The following ASAP3 variants were observed in gnomAD, a reference collection of about 807,000 sequenced individuals.
ASAP3 encodes the protein arf-GAP with SH3 domain, ANK repeat and PH domain-containing protein 3.
Under a neutral mutation model 118.2 loss-of-function variants are expected in ASAP3, and 85 were observed. The observed-to-expected ratio is 0.72, with a 90% CI of 0.60 to 0.86. The LOEUF is 0.86. Among genes scored for constraint, ASAP3 ranks in the 40% least tolerant of loss-of-function variants. ASAP3 has a pLI of 0.00. For synonymous variants in ASAP3, 432 were observed against 477.4 expected (o/e 0.90, Z 1.24); for missense variants, 1,026 against 1,175.0 (o/e 0.87, Z 1.85).
chr1:23,465,517 G>T (rs977672908), intron 1 of ASAP3, among the ~76,000 whole-genome samples: 63 of 147,654 alleles, frequency 4.3e-4, no homozygotes, highest in Middle Eastern at 3.4e-3. Flanking sequence ...TTTTTTTTTG[G>T]GGGGGGGATA....
chr1:23,431,732 G>A lies in ASAP3; in HGVS notation c.2510C>T (p.Thr837Ile), dbSNP rs758996848. Residue 837 changes from threonine to isoleucine, a missense_variant, in exon 23 of 25, where the codon ACC (threonine) becomes ATC (isoleucine). Thr to Ile is a moderately conservative substitution (Grantham distance 89). Coordinates refer to ENST00000336689, the MANE Select transcript of ASAP3 (RefSeq NM_017707.4). Reference protein sequence around the residue: ...GTSRPSLTSGTTPSEMYLPVR... With the variant: ...GTSRPSLTSGITPSEMYLPVR... ...GGGGAGGTACATCTCCGAAGGGGTG[G>A]TCCCGGATGTCAGGCTGGGTCTGGA... The A allele has an allele frequency of 2.5e-5, 38 of 1,521,832 alleles. No individual in the cohort carries two copies. Among genetic ancestry groups the A allele is most frequent in the Admixed American group, 1.6e-4 (7 of 43,700 alleles). The allele number at this position is 1,521,832 out of a possible 1,614,324, so 94.3% of individuals were successfully genotyped here.
rs758067842 is a variant in ASAP3 at position 23,431,067 on chromosome 1, C to G, written c.2605G>C (p.Ala869Pro). The G allele has an allele frequency of 1.8e-5, 29 of 1,589,602 alleles. No homozygotes were observed. Among genetic ancestry groups the G allele is most frequent in the Non-Finnish European group, 2.0e-5 (23 of 1,168,994 alleles). ...GARSPEDGPSARQPLPRRNVP... is the reference protein window; with the variant it reads ...GARSPEDGPSPRQPLPRRNVP... The stretch of plus-strand genomic sequence containing the variant: ...TTCCTTCTGGGCAGAGGCTGCCTGG[C>G]TGAGGGACCATCTTCAGGGCTCCGC... The change falls in exon 24 of 25, where the codon GCC becomes CCC. Residue 869 changes from alanine to proline, a missense_variant. By Grantham distance (27) the Ala-to-Pro change is conservative (BLOSUM62 -1). Transcript: ENST00000336689.
chr1:23,469,345 A>C (rs1641889809), intron 1 of ASAP3, among the ~76,000 whole-genome samples: 1 of 152,138 alleles, frequency 6.6e-6, no homozygotes, highest in South Asian at 2.1e-4. Context: ...AAATAAACTC[A>C]AACCCAGGCA....
In ASAP3 at chr1:23,456,119, T is replaced by C; in HGVS notation, c.202+3A>G. ...AGGCGGGGCACCCAGGAGGCTCACTTACCAAGGCCGGAGCTATGGATTGCC... is the reference window on the plus strand; with the variant it reads ...AGGCGGGGCACCCAGGAGGCTCACTCACCAAGGCCGGAGCTATGGATTGCC... On this transcript the variant is annotated splice_donor_region_variant and intron_variant, in intron 2 of 24. Transcript: ENST00000336689. 1 of 1,614,118 alleles carries C rather than the reference T, an allele frequency of 6.2e-7. No individual in the cohort carries two copies. Among genetic ancestry groups the C allele is most frequent in the Non-Finnish European group, 8.5e-7 (1 of 1,180,010 alleles).
In ASAP3 at chr1:23,436,510, G is replaced by C; in HGVS notation, c.1571+50C>G. On this transcript the variant is annotated intron_variant, in intron 16 of 24. Transcript: ENST00000336689. The surrounding 1 kb of genome is among the most constrained non-coding windows in gnomAD (Gnocchi z 4.2). ...CTTTTCTACGACCCTGGACACTGCGGAGGCAGAATCCCCTAGGCAGGGTGC... is the reference window on the plus strand; with the variant it reads ...CTTTTCTACGACCCTGGACACTGCGCAGGCAGAATCCCCTAGGCAGGGTGC... 1 of 1,587,294 alleles carries C rather than the reference G, an allele frequency of 6.3e-7. No homozygotes were observed. Among genetic ancestry groups the C allele is most frequent in the Non-Finnish European group, 8.7e-7 (1 of 1,155,682 alleles).
At chr1:23,442,059 G>A in intron 7 of ASAP3, 127 bp downstream of exon 7, 1 of 991,610 alleles carries the variant, frequency 1.0e-6, no homozygotes, top group Non-Finnish European at 1.5e-6. Flanking sequence ...ACTCAATGAG[G>A]AACTATGAAA....
intron 1 of ASAP3, among the ~76,000 whole-genome samples, chr1:23,469,016 A>AAATGCAGG (rs1225010800): frequency 6.6e-6 from 1 of 151,708 alleles, no homozygotes; most frequent in Admixed American, 6.6e-5. Context: ...AATTTACAGA[A>AAATGCAGG]AATGCAGGTC....
At chr1:23,464,454 T>C (rs1487657312) in intron 1 of ASAP3, among the ~76,000 whole-genome samples, 1 of 151,790 alleles carries the variant, frequency 6.6e-6, no homozygotes, top group Non-Finnish European at 1.5e-5. Flanking sequence ...CCCAAAGTGC[T>C]GGGATTACAG....
intron 24 of ASAP3, among the ~76,000 whole-genome samples, chr1:23,430,723 T>C (rs1192922284): frequency 6.6e-6 from 1 of 152,166 alleles, no homozygotes; most frequent in African/African-American, 2.4e-5. Context: ...GCCTGGGCTC[T>C]CCTCAGCTTC....
At chr1:23,452,087 A>T in intron 4 of ASAP3, among the ~76,000 whole-genome samples, 1 of 151,964 alleles carries the variant, frequency 6.6e-6, no homozygotes, top group East Asian at 1.9e-4. Context: ...GGCTGCTCAC[A>T]CCCTTCTGAA....
chr1:23,443,875 C>A (rs1030863369), intron 5 of ASAP3, among the ~76,000 whole-genome samples: 4 of 152,054 alleles, frequency 2.6e-5, no homozygotes, highest in African/African-American at 9.7e-5. Flanking sequence ...TGGGTGTCAC[C>A]ATGCCTGGCT....
rs1022957036 is a variant in ASAP3, at chr1:23,455,851, G to A, written c.348+30C>T. On this transcript the variant is annotated intron_variant, in intron 3 of 24. Transcript: ENST00000336689. Reference sequence around the variant, plus strand: ...CTTAAGACCACTAGATTTACCCTGAGTCTGGGCAAGGAAGAGACAGGGGCC... The same window carrying A: ...CTTAAGACCACTAGATTTACCCTGAATCTGGGCAAGGAAGAGACAGGGGCC... 4.3e-6 allele frequency: 7 copies of A among 1,612,994 alleles called. No individual in the cohort carries two copies. The East Asian group carries it at 1.6e-4, about 36-fold the overall frequency.
At chr1:23,478,664 G>A (rs1015124236) in intron 1 of ASAP3, among the ~76,000 whole-genome samples, 2 of 151,984 alleles carry the variant, frequency 1.3e-5, no homozygotes, top group African/African-American at 4.8e-5. Context: ...GGAAGTTGAG[G>A]CAGAAGAATG....
chr1:23,456,100 G>A (rs1176311776), intron 2 of ASAP3, 22 bp downstream of exon 2: 3 of 1,614,048 alleles, frequency 1.9e-6, no homozygotes, highest in Non-Finnish European at 2.5e-6. Flanking sequence ...GACCAGGCGG[G>A]GCACCCAGGA....
intron 23 of ASAP3, 78 bp from the exon 24 acceptor site, chr1:23,431,203 G>A (rs1640419976): frequency 1.4e-6 from 2 of 1,451,224 alleles, no homozygotes; most frequent in South Asian, 1.2e-5. Flanking sequence ...CTCAGGAACA[G>A]AGCCAGTCTG....
intron 1 of ASAP3, among the ~76,000 whole-genome samples, chr1:23,473,067 G>C (rs1205274034): frequency 6.6e-6 from 1 of 152,172 alleles, no homozygotes; most frequent in Non-Finnish European, 1.5e-5. Flanking sequence ...AGGAGACCTT[G>C]TCTAGTTCTC....
At chr1:23,483,959 C>A (rs1558202470) in intron 1 of ASAP3, 46 bp downstream of exon 1, 30 of 1,248,824 alleles carry the variant, frequency 2.4e-5, no homozygotes, top group Non-Finnish European at 3.0e-5. Context: ...AGGTCAAGGC[C>A]AGGCCCGGCG....
intron 6 of ASAP3, 30 bp from the exon 7 acceptor site, chr1:23,442,301 T>A: frequency 6.3e-7 from 1 of 1,589,410 alleles, no homozygotes; most frequent in Admixed American, 1.8e-5. Context: ...AGATACGTGA[T>A]GTGAGCTGAA....
chr1:23,439,424 T>A (rs1425470285), intron 10 of ASAP3, among the ~76,000 whole-genome samples, 194 bp from the exon 11 acceptor site: 2 of 152,166 alleles, frequency 1.3e-5, no homozygotes, highest in Admixed American at 6.5e-5. Flanking sequence ...GACACAGTTC[T>A]GCTCTTAGGA....
Sources: allele counts gnomAD v4.1 joint callset (sites outside exome capture counted in the v4.1 genomes callset), GRCh38; gene constraint gnomAD v4.1.1; non-coding constraint Gnocchi (gnomAD v3.1); transcripts MANE v1.5; gene names NCBI Gene and HGNC (gene_info 2026-07-23, HGNC 2026-07-21).